RUNX1: variants seen among roughly 807,000 people sequenced by gnomAD.
RUNX1 encodes the protein runt-related transcription factor 1.
RUNX1 carries 19 observed loss-of-function variants against 42.8 expected under a neutral mutation model. That is an observed-to-expected ratio of 0.44 (90% CI 0.31 to 0.65). RUNX1 has a LOEUF of 0.65. Among genes scored for constraint, RUNX1 ranks in the 30% least tolerant of loss-of-function variants. The pLI is 0.07. For synonymous variants in RUNX1, 271 were observed against 289.4 expected, an observed-to-expected ratio of 0.94 and a Z score of 0.64; for missense variants, 528 against 672.0, an observed-to-expected ratio of 0.79 and a Z score of 2.37.
At chr21:35,003,412 C>T (rs2059060763) in intron 2 of RUNX1, among the ~76,000 whole-genome samples, 1 of 152,106 alleles carries the variant, frequency 6.6e-6, no homozygotes, top group African/African-American at 2.4e-5. Context: ...AAGTGGGAAA[C>T]AGTACATGTA....
chr21:35,007,561 C>T (rs1258780635), intron 2 of RUNX1, among the ~76,000 whole-genome samples: 3 of 152,170 alleles, frequency 2.0e-5, no homozygotes, highest in Admixed American at 6.5e-5. Context: ...TGGCTCCACC[C>T]TTTGTCTCCC....
At chr21:34,816,722 A>G (rs554210467) in intron 7 of RUNX1, among the ~76,000 whole-genome samples, 3 of 152,214 alleles carry the variant, frequency 2.0e-5, no homozygotes, top group South Asian at 2.1e-4. Context: ...CTTTCTGGGT[A>G]GGCATCCAGC....
intron 6 of RUNX1, among the ~76,000 whole-genome samples, chr21:34,855,407 T>TA (rs1281149330): frequency 6.6e-6 from 1 of 151,944 alleles, no homozygotes. Context: ...AAACATACAT[T>TA]AAAAAAACAA....
rs111263452 is a variant in RUNX1, at chr21:34,806,755, T to C, written c.806-7293A>G. Among the ~76,000 whole-genome samples, 89 of 152,280 alleles carry C rather than the reference T, an allele frequency of 5.8e-4. 1 individual carries two copies. The Middle Eastern group carries it at 0.01, about 17-fold the overall frequency. ...ACACACTTTAAGATCCTTAAAAGTATAGAAAGCATACAAAGTATTTTCTCA... is the reference window on the plus strand; with the variant it reads ...ACACACTTTAAGATCCTTAAAAGTACAGAAAGCATACAAAGTATTTTCTCA... On this transcript the variant is annotated intron_variant, in intron 7 of 8. Transcript: ENST00000675419.
At chr21:34,882,504 T>A (rs1024078555) in intron 4 of RUNX1, among the ~76,000 whole-genome samples, 4 of 152,214 alleles carry the variant, frequency 2.6e-5, no homozygotes, top group African/African-American at 9.6e-5. Flanking sequence ...GGACATGTTT[T>A]CCATATAGGA....
intron 2 of RUNX1, among the ~76,000 whole-genome samples, chr21:34,902,080 G>A (rs2058181826): frequency 6.6e-6 from 1 of 152,220 alleles, no homozygotes; most frequent in African/African-American, 2.4e-5. Context: ...TGAATTGAAA[G>A]CAGGGGTCCT....
intron 4 of RUNX1, among the ~76,000 whole-genome samples, chr21:34,886,372 CTAGT>C (rs1244989519): frequency 2.6e-5 from 4 of 152,202 alleles, no homozygotes; most frequent in African/African-American, 4.8e-5. Context: ...GACAGTTTCC[CTAGT>C]TAGTTTCTTT....
rs2145876483 is a variant in RUNX1 at position 34,792,454 on chromosome 21, G to A, written c.1124C>T (p.Thr375Met). ...GIGMSAMGSA[T>M]RYHTYLPPPY... ...CGGCGGCAGGTAGGTGTGGTAGCGC[G>A]TGGCCGAGCCCATGGCCGACATGCC... is the stretch of plus-strand genomic sequence containing the variant. Residue 375 changes from threonine to methionine, a missense_variant, in exon 9 of 9, where the codon ACG (threonine) becomes ATG (methionine). By Grantham distance (81) the Thr-to-Met change is moderately conservative. Around this residue, in one of 3 missense-constraint regions of RUNX1, gnomAD observed 331 missense variants for 382.5 expected, o/e 0.87. Transcript: ENST00000675419. This position sits in a 1 kb window ranked among gnomAD's most constrained non-coding sequence, Gnocchi z 6.9. The A allele has an allele frequency of 6.3e-7, 1 of 1,578,744 alleles. No individual in the cohort carries two copies. The highest frequency in any genetic ancestry group is 2.3e-5 in the East Asian group (1 of 43,016).
intron 2 of RUNX1, among the ~76,000 whole-genome samples, chr21:34,963,684 C>A (rs2834694): frequency 0.52 from 78,705 of 151,982 alleles, 20,479 homozygotes; most frequent in African/African-American, 0.56. Flanking sequence ...AGAAGTATCA[C>A]AACTGGGCAG....
In RUNX1 at chr21:34,954,668, TATAATCCCA is replaced by T. The variant is rs2146681377; in HGVS notation, c.59-61714_59-61706del. On this transcript the variant is annotated intron_variant, in intron 2 of 8. Transcript: ENST00000675419. ...TTGAGAACTTAAAGGTGTCCTATAT[TATAATCCCA>T]CCCACCCTCTCTCCCCTCACTGTAG... Among the ~76,000 whole-genome samples, 3 of 152,302 alleles carry T rather than the reference TATAATCCCA, an allele frequency of 2.0e-5. No homozygotes were observed. In the South Asian group the frequency reaches 6.2e-4, roughly 32 times the overall value.
chr21:34,813,254 C>T (rs2056781068), intron 7 of RUNX1, among the ~76,000 whole-genome samples: 2 of 152,110 alleles, frequency 1.3e-5, no homozygotes, highest in Admixed American at 6.5e-5. Flanking sequence ...GAGAATGATC[C>T]TGCCCACAAG....
In RUNX1 at chr21:34,791,864, TG is replaced by T; in HGVS notation, c.*270del. ...GCTTTCCAGCGCGTCCCCTGGGTGC[TG>T]GGGCCGGCGGACACCCTCGAGGTGC... On this transcript the variant is annotated 3_prime_UTR_variant, in exon 9 of 9. Coordinates refer to ENST00000675419, the MANE Select transcript of RUNX1 (RefSeq NM_001754.5). 7.9e-6 allele frequency: 2 copies of T among 254,374 alleles called. No homozygotes were observed. The highest frequency in any genetic ancestry group is 1.5e-5 in the Non-Finnish European group (2 of 130,888). 15.8% of individuals were successfully genotyped at this position (254,374 alleles called of 1,614,324 possible).
chr21:34,983,591 C>T (rs1258561328), intron 2 of RUNX1, among the ~76,000 whole-genome samples: 1 of 152,098 alleles, frequency 6.6e-6, no homozygotes, highest in African/African-American at 2.4e-5. Flanking sequence ...GCTGGGAGTA[C>T]AACAAACTTG....
intron 8 of RUNX1, among the ~76,000 whole-genome samples, chr21:34,799,095 A>C (rs574046251): frequency 1.3e-5 from 2 of 152,340 alleles, no homozygotes; most frequent in East Asian, 3.9e-4. Flanking sequence ...CTACTTCTCC[A>C]AGCCACTTCT....
intron 2 of RUNX1, among the ~76,000 whole-genome samples, chr21:35,026,649 T>C (rs537613354): frequency 1.2e-3 from 178 of 152,340 alleles, no homozygotes; most frequent in African/African-American, 4.2e-3. Context: ...TGGCCTCCTA[T>C]GGGTCCAGGA....
intron 5 of RUNX1, among the ~76,000 whole-genome samples, chr21:34,879,657 G>T (rs944249405): frequency 6.6e-6 from 1 of 151,558 alleles, no homozygotes; most frequent in Non-Finnish European, 1.5e-5. Flanking sequence ...AAGCTTAATC[G>T]GTACTATATT....
At chr21:34,930,099 A>G (rs1458148925) in intron 2 of RUNX1, among the ~76,000 whole-genome samples, 1 of 147,012 alleles carries the variant, frequency 6.8e-6, no homozygotes, top group Non-Finnish European at 1.5e-5. Context: ...TATATTTAAA[A>G]ATAAATATAT....
intron 2 of RUNX1, among the ~76,000 whole-genome samples, chr21:35,014,314 C>A (rs574638129): frequency 6.6e-6 from 1 of 152,158 alleles, no homozygotes; most frequent in Non-Finnish European, 1.5e-5. Context: ...CAATCTCCTG[C>A]AGCAACTGAA....
intron 7 of RUNX1, among the ~76,000 whole-genome samples, chr21:34,816,014 G>C (rs1477212085): frequency 6.6e-6 from 1 of 152,122 alleles, no homozygotes; most frequent in Non-Finnish European, 1.5e-5. Context: ...AATGGCCCAA[G>C]AAAGGGCAGG....
Sources: allele counts gnomAD v4.1 joint callset (sites outside exome capture counted in the v4.1 genomes callset), GRCh38; gene constraint gnomAD v4.1.1; regional missense constraint gnomAD v4.1.1; non-coding constraint Gnocchi (gnomAD v3.1); transcripts MANE v1.5; gene names NCBI Gene and HGNC (gene_info 2026-07-23, HGNC 2026-07-21).